The following DNAJC6 variants were observed in gnomAD, a reference collection of about 807,000 sequenced individuals.
The protein encoded by DNAJC6 is DnaJ heat shock protein family (Hsp40) member C6, also known as auxilin.
In DNAJC6, 34 loss-of-function variants were observed where a neutral mutation model predicts 110.0. The observed-to-expected ratio is 0.31, with a 90% CI of 0.24 to 0.41. The LOEUF (loss-of-function observed/expected upper bound fraction) is 0.41. DNAJC6 is among the 10% of genes least tolerant of loss of function. The pLI is 1.00. For missense variants in DNAJC6, 1,031 were observed against 1,207.8 expected (o/e 0.85, Z 2.17); for synonymous variants, 406 against 437.2 (o/e 0.93, Z 0.89).
chr1:65,347,263 G>T (rs1645445381), intron 1 of DNAJC6, among the ~76,000 whole-genome samples: 1 of 152,056 alleles, frequency 6.6e-6, no homozygotes, highest in Non-Finnish European at 1.5e-5. Flanking sequence ...TGTTAACAGT[G>T]GTACCCTTGT....
intron 8 of DNAJC6, among the ~76,000 whole-genome samples, chr1:65,387,662 A>G (rs1237391708): frequency 2.0e-5 from 3 of 152,336 alleles, no homozygotes; most frequent in Admixed American, 6.5e-5. Flanking sequence ...TTCCATTGTA[A>G]TGTCACAATG....
intron 4 of DNAJC6, among the ~76,000 whole-genome samples, chr1:65,377,561 G>T (rs1002554456): frequency 2.6e-5 from 4 of 152,124 alleles, no homozygotes; most frequent in African/African-American, 9.7e-5. Context: ...AACCATACTT[G>T]TCTCTCCTAA....
intron 4 of DNAJC6, among the ~76,000 whole-genome samples, chr1:65,374,051 T>G (rs1371323815): frequency 6.6e-6 from 1 of 152,242 alleles, no homozygotes; most frequent in Non-Finnish European, 1.5e-5. Flanking sequence ...CCTCTCCCAC[T>G]GTAAGTTCTT....
At chr1:65,283,934 C>T (rs1369088666) in intron 1 of DNAJC6, among the ~76,000 whole-genome samples, 1 of 152,184 alleles carries the variant, frequency 6.6e-6, no homozygotes, top group East Asian at 1.9e-4. Flanking sequence ...TCCCAACTCT[C>T]AGTGGCCTGG....
chr1:65,354,032 T>C (rs1645517600), intron 1 of DNAJC6, among the ~76,000 whole-genome samples: 1 of 152,174 alleles, frequency 6.6e-6, no homozygotes, highest in Non-Finnish European at 1.5e-5. Flanking sequence ...CATACTTTTA[T>C]TGAGTGCTTA....
intron 2 of DNAJC6, among the ~76,000 whole-genome samples, chr1:65,365,138 C>T (rs1324119720): frequency 1.3e-5 from 2 of 152,000 alleles, no homozygotes; most frequent in East Asian, 1.9e-4. Context: ...GGATTTGTGT[C>T]TTTGGGTTGT....
chr1:65,385,267 CTG>C (rs1464050548), intron 6 of DNAJC6, among the ~76,000 whole-genome samples: 2 of 152,074 alleles, frequency 1.3e-5, no homozygotes, highest in Non-Finnish European at 2.9e-5. Flanking sequence ...AAAAAGAAAA[CTG>C]TTTTTAGATA....
intron 1 of DNAJC6, among the ~76,000 whole-genome samples, chr1:65,269,540 A>C (rs1653439142): frequency 6.6e-6 from 1 of 152,182 alleles, no homozygotes; most frequent in Non-Finnish European, 1.5e-5. Context: ...ATAAGTGTAA[A>C]AAAATTTTTA....
Position 65,271,758 on chromosome 1 carries a change from T to G in DNAJC6, c.-131+6826T>G, listed in dbSNP as rs369017334. 3.3e-5 allele frequency among the ~76,000 whole-genome samples: 5 copies of G among 151,812 alleles called. No homozygotes were observed. In the East Asian group the frequency reaches 5.8e-4, roughly 18 times the overall value. ...GGTGGTGTGTGCCTGTAATCCTAGC[T>G]ACTCGGGAGGCTGTGGTGGGAGGAT... On this transcript the variant is annotated intron_variant, in intron 1 of 19. Coordinates refer to the DNAJC6 transcript ENST00000263441.
intron 1 of DNAJC6, among the ~76,000 whole-genome samples, chr1:65,275,741 A>C (rs912387378): frequency 4.6e-5 from 7 of 151,674 alleles, no homozygotes; most frequent in African/African-American, 1.7e-4. Context: ...CATTTTCTGT[A>C]TACTTAGCCC....
At chr1:65,365,849 C>G in intron 2 of DNAJC6, 36 bp from the exon 3 acceptor site, 1 of 1,604,052 alleles carries the variant, frequency 6.2e-7, no homozygotes, top group Non-Finnish European at 8.5e-7. Flanking sequence ...ATATTTGGAT[C>G]ATTTTAATGA....
chr1:65,366,305 A>G (rs1173511258), intron 4 of DNAJC6, 109 bp downstream of exon 4: 4 of 1,207,440 alleles, frequency 3.3e-6, no homozygotes, highest in East Asian at 2.3e-5. Flanking sequence ...CTGAAAAACT[A>G]TACACTCTGG....
chr1:65,389,176 C>A, intron 9 of DNAJC6, 80 bp from the exon 10 acceptor site: 1 of 1,315,790 alleles, frequency 7.6e-7, no homozygotes, highest in Non-Finnish European at 1.1e-6. Flanking sequence ...TAAGAGTCAA[C>A]CTAAGATGAC....
At chr1:65,270,767 C>T (rs1010722919) in intron 1 of DNAJC6, among the ~76,000 whole-genome samples, 2 of 152,170 alleles carry the variant, frequency 1.3e-5, no homozygotes, top group African/African-American at 4.8e-5. Context: ...CAACGTCCAC[C>T]TTCCAGGTTT....
At chr1:65,357,901 G>A (rs765860581) in intron 1 of DNAJC6, among the ~76,000 whole-genome samples, 5 of 152,090 alleles carry the variant, frequency 3.3e-5, no homozygotes, top group Non-Finnish European at 5.9e-5. Flanking sequence ...GAATGTGGCC[G>A]GGCACGGTGG....
At chr1:65,366,282 T>G in intron 4 of DNAJC6, 86 bp downstream of exon 4, 1 of 1,444,082 alleles carries the variant, frequency 6.9e-7, no homozygotes, top group East Asian at 2.3e-5. Context: ...CACGTGCCCT[T>G]AGGCATCTGA....
intron 1 of DNAJC6, among the ~76,000 whole-genome samples, chr1:65,335,601 C>A (rs1046025994): frequency 6.6e-6 from 1 of 152,086 alleles, no homozygotes; most frequent in Non-Finnish European, 1.5e-5. Flanking sequence ...AGGGAAGCCG[C>A]GTGGCTCACT....
intron 1 of DNAJC6, among the ~76,000 whole-genome samples, chr1:65,344,947 C>G (rs530885693): frequency 1.3e-5 from 2 of 152,036 alleles, no homozygotes; most frequent in Non-Finnish European, 2.9e-5. Flanking sequence ...AAAATATTTC[C>G]GAGTCCCAGT....
At chr1:65,394,772 C>T in intron 12 of DNAJC6, 126 bp from the exon 13 acceptor site, 1 of 1,153,188 alleles carries the variant, frequency 8.7e-7, no homozygotes, top group Non-Finnish European at 1.2e-6. Context: ...GTCCAGACTA[C>T]TCCTTTGTCC....
Sources: allele counts gnomAD v4.1 joint callset (sites outside exome capture counted in the v4.1 genomes callset), GRCh38; gene constraint gnomAD v4.1.1; transcripts MANE v1.5; gene names NCBI Gene and HGNC (gene_info 2026-07-23, HGNC 2026-07-21).